Variants in GSK3B observed in about 807,000 individuals in gnomAD.
The protein encoded by GSK3B is glycogen synthase kinase-3 beta.
GSK3B carries 15 observed loss-of-function variants against 56.4 expected under a neutral mutation model. The ratio of observed to expected loss-of-function variants is 0.27; its 90% CI spans 0.18 to 0.41. GSK3B has a LOEUF of 0.41. GSK3B is among the 10% of genes least tolerant of loss of function. The pLI, the probability that GSK3B is intolerant of heterozygous loss-of-function variation, is 1.00. For missense variants in GSK3B, 300 were observed against 513.4 expected (o/e 0.58, Z 4.02); for synonymous variants, 181 against 188.9 (o/e 0.96, Z 0.34).
intron 1 of GSK3B, among the ~76,000 whole-genome samples, chr3:120,077,582 T>C (rs963174119): frequency 1.6e-4 from 25 of 151,992 alleles, no homozygotes; most frequent in African/African-American, 5.1e-4. Flanking sequence ...ATGAAGACTA[T>C]AGTTAATAAT....
At chr3:119,844,736 A>T (rs1047345464) in intron 9 of GSK3B, among the ~76,000 whole-genome samples, 1 of 142,378 alleles carries the variant, frequency 7.0e-6, no homozygotes, top group Non-Finnish European at 1.5e-5. Flanking sequence ...AGAGGTACAA[A>T]GAGGAGCTGG....
intron 1 of GSK3B, 151 bp downstream of exon 1, chr3:120,093,196 G>C: frequency 1.8e-6 from 1 of 561,022 alleles, no homozygotes; most frequent in East Asian, 2.8e-5. Flanking sequence ...GGAGTAAAAA[G>C]GGAGCTGCTT....
chr3:119,895,924 T>C (rs2056558010), intron 7 of GSK3B, among the ~76,000 whole-genome samples: 1 of 151,712 alleles, frequency 6.6e-6, no homozygotes, highest in African/African-American at 2.4e-5. Flanking sequence ...CCCAGGAGTT[T>C]GAGATCAGCC....
intron 1 of GSK3B, among the ~76,000 whole-genome samples, chr3:120,088,279 T>C (rs1414906569): frequency 6.8e-6 from 1 of 147,178 alleles, no homozygotes; most frequent in Non-Finnish European, 1.5e-5. Context: ...ATGTCCATTA[T>C]GTACTGAGTA....
At chr3:119,835,605 A>T (rs1166130013) in intron 10 of GSK3B, among the ~76,000 whole-genome samples, 2 of 152,210 alleles carry the variant, frequency 1.3e-5, no homozygotes, top group Non-Finnish European at 2.9e-5. Context: ...AGTAGAATAG[A>T]GGCAATTTTT....
intron 1 of GSK3B, among the ~76,000 whole-genome samples, chr3:120,057,945 G>T (rs562196982): frequency 5.3e-4 from 81 of 151,952 alleles, no homozygotes; most frequent in African/African-American, 1.9e-3. Flanking sequence ...TACATCAAAG[G>T]ATTAAAAGGG....
chr3:120,010,550 CAA>C (rs927233309), intron 1 of GSK3B, among the ~76,000 whole-genome samples: 1 of 151,972 alleles, frequency 6.6e-6, no homozygotes, highest in Non-Finnish European at 1.5e-5. Context: ...ACTGTAACAC[CAA>C]AAAAAGATTT....
At chr3:119,916,618 G>A (rs1233421805) in intron 4 of GSK3B, among the ~76,000 whole-genome samples, 1 of 152,126 alleles carries the variant, frequency 6.6e-6, no homozygotes, top group Non-Finnish European at 1.5e-5. Context: ...GCATGCTGCT[G>A]AATGTAAACG....
At chr3:119,871,885 A>C (rs1434018684) in intron 8 of GSK3B, among the ~76,000 whole-genome samples, 3 of 152,190 alleles carry the variant, frequency 2.0e-5, no homozygotes, top group Admixed American at 6.5e-5. Flanking sequence ...AGAGATCAGC[A>C]GGCCTTAGGA....
intron 10 of GSK3B, among the ~76,000 whole-genome samples, chr3:119,827,984 A>G (rs536073114): frequency 1.5e-3 from 225 of 152,360 alleles, no homozygotes; most frequent in African/African-American, 5.0e-3. Context: ...TGTTTGTAAC[A>G]TAAAGGATAA....
At chr3:120,028,664 G>T (rs1352948109) in intron 1 of GSK3B, 2 of 381,622 alleles carry the variant, frequency 5.2e-6, no homozygotes, top group East Asian at 6.9e-5. Flanking sequence ...ATCCCACAGA[G>T]GCTGATGTTA....
intron 2 of GSK3B, among the ~76,000 whole-genome samples, chr3:119,962,616 T>C (rs1434333745): frequency 1.3e-5 from 2 of 151,676 alleles, no homozygotes; most frequent in Non-Finnish European, 2.9e-5. Context: ...GCATATGAAA[T>C]AGGTAGAAAA....
chr3:119,941,801 G>A (rs1277355985), intron 3 of GSK3B, among the ~76,000 whole-genome samples: 4 of 152,244 alleles, frequency 2.6e-5, no homozygotes, highest in East Asian at 1.9e-4. Flanking sequence ...TGCAGATGGC[G>A]GGGAGGAGGC....
At chr3:119,880,194 T>C (rs185916753) in intron 7 of GSK3B, among the ~76,000 whole-genome samples, 236 of 152,308 alleles carry the variant, frequency 1.5e-3, no homozygotes, top group Middle Eastern at 3.4e-3. Flanking sequence ...TCATTGTAGT[T>C]TTGATTTGCA....
At chr3:119,934,248 G>A (rs2056973024) in intron 3 of GSK3B, among the ~76,000 whole-genome samples, 1 of 152,216 alleles carries the variant, frequency 6.6e-6, no homozygotes, top group African/African-American at 2.4e-5. Flanking sequence ...TCAGTCAGGT[G>A]TTGAAAGTCA....
intron 1 of GSK3B, chr3:120,028,700 C>A: frequency 2.2e-6 from 1 of 447,430 alleles, no homozygotes. Flanking sequence ...CGTCTCAAAA[C>A]CATGTCCTTG....
At chr3:119,845,244 T>A (rs2055839234) in intron 9 of GSK3B, among the ~76,000 whole-genome samples, 1 of 152,222 alleles carries the variant, frequency 6.6e-6, no homozygotes, top group Non-Finnish European at 1.5e-5. Context: ...GCATTCGCTT[T>A]GAAAACCAGC....
At chr3:119,907,992 TCTGG>T (rs2056699761) in intron 6 of GSK3B, among the ~76,000 whole-genome samples, 1 of 152,206 alleles carries the variant, frequency 6.6e-6, no homozygotes, top group African/African-American at 2.4e-5. Flanking sequence ...CAGCTTTACC[TCTGG>T]CTGTATCTAA....
At chr3:120,013,187 T>C (rs774259953) in intron 1 of GSK3B, among the ~76,000 whole-genome samples, 15 of 152,196 alleles carry the variant, frequency 9.9e-5, no homozygotes, top group Non-Finnish European at 1.9e-4. Flanking sequence ...ATCCAAGGTA[T>C]GGAGGGAGTA....
Sources: allele counts gnomAD v4.1 joint callset (sites outside exome capture counted in the v4.1 genomes callset), GRCh38; gene constraint gnomAD v4.1.1; transcripts MANE v1.5; gene names NCBI Gene and HGNC (gene_info 2026-07-23, HGNC 2026-07-21).